The following RECQL variants were observed in gnomAD, a reference collection of about 807,000 sequenced individuals.
RECQL encodes the protein RecQ like helicase, also known as ATP-dependent DNA helicase Q1.
RECQL carries 73 observed loss-of-function variants against 75.8 expected under a neutral mutation model. That is an observed-to-expected ratio of 0.96 (90% CI 0.80 to 1.17). The LOEUF (loss-of-function observed/expected upper bound fraction) is 1.17, where lower values mean the gene tolerates loss of function less well. Among genes scored for constraint, RECQL ranks in the 50% most tolerant of loss-of-function variants. RECQL has a pLI of 0.00. For missense variants in RECQL, 699 were observed against 772.1 expected (o/e 0.91, Z 1.12); for synonymous variants, 248 against 254.4 (o/e 0.97, Z 0.24).
At chr12:21,483,137 C>T (rs1326139989) in intron 6 of RECQL, among the ~76,000 whole-genome samples, 1 of 152,176 alleles carries the variant, frequency 6.6e-6, no homozygotes, top group Middle Eastern at 3.2e-3. Flanking sequence ...ACTAAACATT[C>T]TGCCTCTCAG....
rs757641161 is a variant in RECQL, at chr12:21,477,984, A to C, written c.701-15T>G. The C allele has an allele frequency of 8.8e-6, 14 of 1,588,374 alleles. No individual in the cohort carries two copies. The African/African-American group carries it at 1.6e-4, about 19-fold the overall frequency. On this transcript the variant is annotated splice_polypyrimidine_tract_variant and intron_variant, in intron 6 of 14. Transcript: ENST00000444129. ...TGCCTTATAATCTGAAAAAACAAAC[A>C]AAGTGGCCCTTTTTCTATCCTTTAA...
chr12:21,475,020 C>T (rs751724354), intron 10 of RECQL, 41 bp from the exon 11 acceptor site: 2 of 1,585,522 alleles, frequency 1.3e-6, no homozygotes, highest in South Asian at 2.3e-5. Context: ...ATTACATTTA[C>T]AAATTCAAAA....
At position 21,473,635 on chromosome 12, in the gene RECQL, G is replaced by C; in HGVS notation, c.1363C>G (p.Arg455Gly). Reference protein sequence around the residue: ...SYCQNISKCRRVLMAQHFDEV... With the variant: ...SYCQNISKCRGVLMAQHFDEV... ...TCAAAATGTTGAGCCATCAACACAC[G>C]ACGACATCTGCAAACACATTTAAAG... Residue 455 changes from arginine to glycine, a missense_variant, in exon 12 of 15, where the codon CGT becomes GGT. Arg to Gly is a moderately radical substitution (Grantham distance 125). Coordinates refer to ENST00000444129, the MANE Select transcript of RECQL (RefSeq NM_002907.4). The C allele has an allele frequency of 6.2e-7, 1 of 1,611,462 alleles. No homozygotes were observed. Among genetic ancestry groups the C allele is most frequent in the Non-Finnish European group, 8.5e-7 (1 of 1,178,284 alleles).
chr12:21,488,124 A>C (rs1230497705), intron 4 of RECQL, among the ~76,000 whole-genome samples: 1 of 152,190 alleles, frequency 6.6e-6, no homozygotes, highest in African/African-American at 2.4e-5. Flanking sequence ...GTCTCCACCC[A>C]ACCATTTCAA....
intron 5 of RECQL, among the ~76,000 whole-genome samples, chr12:21,486,254 T>C (rs1241400808): frequency 3.9e-5 from 6 of 152,194 alleles, no homozygotes; most frequent in Admixed American, 1.3e-4. Flanking sequence ...TTTCACAAAA[T>C]ATTCTTTTTA....
chr12:21,469,983 C>T lies in RECQL; in HGVS notation c.*211G>A. On this transcript the variant is annotated 3_prime_UTR_variant, in exon 15 of 15. Coordinates refer to ENST00000444129, the MANE Select transcript of RECQL (RefSeq NM_002907.4). Reference sequence around the variant, plus strand: ...AAAGGGTTTTACATAAAAATTTTTCCCTTGTTTTATACTGGAAAATTATAT... The same window carrying T: ...AAAGGGTTTTACATAAAAATTTTTCTCTTGTTTTATACTGGAAAATTATAT... 7.0e-6 allele frequency: 4 copies of T among 573,716 alleles called. No homozygotes were observed. The highest frequency in any genetic ancestry group is 4.2e-5 in the South Asian group (1 of 23,760). 35.5% of individuals were successfully genotyped at this position (573,716 alleles called of 1,614,324 possible). A position where few individuals can be genotyped will look rare whatever the true frequency, so the allele number is the denominator to read the frequency against.
chr12:21,473,438 T>A (rs573259392), intron 12 of RECQL, 113 bp downstream of exon 12: 1 of 776,196 alleles, frequency 1.3e-6, no homozygotes, highest in East Asian at 2.7e-5. Context: ...AAGTACACTT[T>A]GATGTTTGCA....
At chr12:21,483,337 C>A (rs1169816147) in intron 6 of RECQL, 39 bp downstream of exon 6, 1 of 1,375,508 alleles carries the variant, frequency 7.3e-7, no homozygotes, top group East Asian at 2.3e-5. Flanking sequence ...AGGACACGGT[C>A]TATGACATCA....
rs115087667 is a variant in RECQL, at chr12:21,495,137, G to A, written c.17-3421C>T. Among the ~76,000 whole-genome samples, 477 of 152,234 alleles carry A rather than the reference G, an allele frequency of 3.1e-3. 4 individuals are homozygous for A. The highest frequency in any genetic ancestry group is 0.011 in the African/African-American group (451 of 41,540). ...AAACACAACAGAGAGACCATCCTTCGACGAATTTCCAGAATTGAACCACCT... is the reference window on the plus strand; with the variant it reads ...AAACACAACAGAGAGACCATCCTTCAACGAATTTCCAGAATTGAACCACCT... On this transcript the variant is annotated intron_variant, in intron 2 of 14. Coordinates refer to ENST00000444129, the MANE Select transcript of RECQL (RefSeq NM_002907.4).
chr12:21,493,643 CAT>C (rs1943452759), intron 2 of RECQL, among the ~76,000 whole-genome samples: 1 of 152,186 alleles, frequency 6.6e-6, no homozygotes, highest in African/African-American at 2.4e-5. Context: ...TGGAGGGGAA[CAT>C]AAGGGCAGAT....
rs369820039 is a variant in RECQL at position 21,475,769 on chromosome 12, C to G, written c.1005G>C (p.Gln335His). 7 of 1,613,062 alleles carry G rather than the reference C, an allele frequency of 4.3e-6. No individual in the cohort carries two copies. The African/African-American group carries it at 6.7e-5, about 15-fold the overall frequency. ...KDSEQVTVSL[Q>H]NLGIHAGAYH... ...AAGCACCTGCATGAATTCCCAGATT[C>G]TGCAAACTAACCGTAACTTGTTCAG... is the stretch of plus-strand genomic sequence containing the variant. The change falls in exon 9 of 15, where the codon CAG becomes CAC. Residue 335 changes from glutamine (Q) to histidine (H), a missense_variant. Gln to His is a conservative substitution (Grantham distance 24, BLOSUM62 0). Coordinates refer to ENST00000444129, the MANE Select transcript of RECQL (RefSeq NM_002907.4).
chr12:21,473,688 G>C (rs1173747296), intron 11 of RECQL, 46 bp from the exon 12 acceptor site: 13 of 1,501,796 alleles, frequency 8.7e-6, no homozygotes. Context: ...ATATAATAAA[G>C]TTTTAAGAAT....
intron 2 of RECQL, among the ~76,000 whole-genome samples, chr12:21,495,255 C>T (rs1170775996): frequency 6.6e-6 from 1 of 152,168 alleles, no homozygotes; most frequent in African/African-American, 2.4e-5. Context: ...ATGAATCTTC[C>T]TACTACTCTT....
At chr12:21,492,836 T>C (rs764801477) in intron 2 of RECQL, among the ~76,000 whole-genome samples, 1 of 152,210 alleles carries the variant, frequency 6.6e-6, no homozygotes, top group Non-Finnish European at 1.5e-5. Flanking sequence ...CAACCTTCTG[T>C]GACAAGTGCA....
At chr12:21,500,491 G>T (rs1943589303) in intron 1 of RECQL, among the ~76,000 whole-genome samples, 2 of 152,168 alleles carry the variant, frequency 1.3e-5, no homozygotes, top group Admixed American at 1.3e-4. Context: ...TTTCTACACA[G>T]AATTCTGAAG....
In RECQL at chr12:21,486,712, C is replaced by T. The variant is rs1943312016; in HGVS notation, c.395-127G>A. The T allele has an allele frequency of 5.0e-6, 4 of 797,206 alleles. No individual in the cohort carries two copies. In the South Asian group the frequency reaches 7.3e-5, roughly 15 times the overall value. 49.4% of individuals were successfully genotyped at this position (797,206 alleles called of 1,614,324 possible). On this transcript the variant is annotated intron_variant, in intron 4 of 14. Coordinates refer to ENST00000444129, the MANE Select transcript of RECQL (RefSeq NM_002907.4). The stretch of plus-strand genomic sequence containing the variant: ...TAGAGATGGAGTCTCACTCTCTTGC[C>T]CAGGCTAGAGTGCAGTGGTGCGATG...
intron 8 of RECQL, 90 bp downstream of exon 8, chr12:21,476,821 T>A (rs1167686217): frequency 9.1e-6 from 6 of 661,238 alleles, no homozygotes; most frequent in Non-Finnish European, 1.2e-5. Flanking sequence ...TTTTTGGTGT[T>A]ATTCAGTTAT....
Position 21,501,623 on chromosome 12 carries a change from T to C in RECQL, c.-499A>G. Reference sequence around the variant, plus strand: ...GAGTAAAATCTTCCCGCCAGCCAGCTGAGAGCATCCACCCTTCCGGGTCGG... The same window carrying C: ...GAGTAAAATCTTCCCGCCAGCCAGCCGAGAGCATCCACCCTTCCGGGTCGG... On this transcript the variant is annotated 5_prime_UTR_variant, in exon 1 of 15. Transcript: ENST00000444129. 1 of 423,328 alleles carries C rather than the reference T, an allele frequency of 2.4e-6. No homozygotes were observed. Among genetic ancestry groups the C allele is most frequent in the Non-Finnish European group, 4.3e-6 (1 of 232,698 alleles). The allele number at this position is 423,328 out of a possible 1,614,324, so 26.2% of individuals were successfully genotyped here.
intron 12 of RECQL, among the ~76,000 whole-genome samples, chr12:21,472,890 G>A (rs1291796802): frequency 6.6e-6 from 1 of 152,006 alleles, no homozygotes; most frequent in Non-Finnish European, 1.5e-5. Context: ...TTATCACATG[G>A]TTTCCCTTTT....
Sources: gnomAD v4.1 joint callset for allele counts (sites outside exome capture counted in the v4.1 genomes callset) on GRCh38, gnomAD v4.1.1 for gene constraint, MANE v1.5 for transcripts, NCBI Gene and HGNC (gene_info 2026-07-23, HGNC 2026-07-21) for gene names.